The following PLXNC1 variants were observed in gnomAD, a reference collection of about 807,000 sequenced individuals.
PLXNC1 encodes plexin-C1.
PLXNC1 carries 75 observed loss-of-function variants against 178.2 expected under a neutral mutation model. That is an observed-to-expected ratio of 0.42 (90% CI 0.35 to 0.51). The LOEUF is 0.51. Ranked by LOEUF, PLXNC1 falls within the 20% of genes least tolerant of loss-of-function variation. PLXNC1 has a pLI of 0.02. For missense variants in PLXNC1, 1,503 were observed against 1,984.4 expected, an observed-to-expected ratio of 0.76 and a Z score of 4.61; for synonymous variants, 790 against 779.9, an observed-to-expected ratio of 1.01 and a Z score of -0.22.
At chr12:94,300,805 A>T in intron 27 of PLXNC1, 105 bp from the exon 28 acceptor site, 2 of 1,009,866 alleles carry the variant, frequency 2.0e-6, no homozygotes, top group Non-Finnish European at 2.9e-6. Flanking sequence ...AGAGTTGTAT[A>T]CTTCAATAAC....
At chr12:94,270,408 G>A (rs1965499858) in intron 21 of PLXNC1, among the ~76,000 whole-genome samples, 1 of 152,196 alleles carries the variant, frequency 6.6e-6, no homozygotes, top group Non-Finnish European at 1.5e-5. Flanking sequence ...TTTGCAGAAA[G>A]TTTGTTGGCC....
At chr12:94,180,822 G>A (rs1228645797) in intron 2 of PLXNC1, among the ~76,000 whole-genome samples, 1 of 152,178 alleles carries the variant, frequency 6.6e-6, no homozygotes, top group African/African-American at 2.4e-5. Context: ...GCTGTCACTT[G>A]TGGCTTCCTA....
chr12:94,206,269 T>A (rs979992556), intron 4 of PLXNC1, among the ~76,000 whole-genome samples: 4 of 151,784 alleles, frequency 2.6e-5, no homozygotes, highest in South Asian at 4.1e-4. Flanking sequence ...TTTTTTTTTT[T>A]AAATCTGTTG....
intron 9 of PLXNC1, among the ~76,000 whole-genome samples, chr12:94,229,015 C>G (rs1382129498): frequency 6.6e-6 from 1 of 152,126 alleles, no homozygotes; most frequent in Non-Finnish European, 1.5e-5. Context: ...TTTTGCATTC[C>G]CACCAACAGT....
intron 21 of PLXNC1, among the ~76,000 whole-genome samples, chr12:94,276,302 G>C (rs1013350955): frequency 6.6e-6 from 1 of 152,200 alleles, no homozygotes; most frequent in African/African-American, 2.4e-5. Flanking sequence ...TCACCTTGCA[G>C]AGAAATAAGG....
chr12:94,279,877 GT>G, intron 22 of PLXNC1: 1 of 678,880 alleles, frequency 1.5e-6, no homozygotes, highest in South Asian at 1.5e-5. Flanking sequence ...GGCGTTTGTT[GT>G]TGTTGTCTTT....
At chr12:94,256,613 C>A (rs1011306083) in intron 17 of PLXNC1, among the ~76,000 whole-genome samples, 2 of 152,044 alleles carry the variant, frequency 1.3e-5, no homozygotes, top group African/African-American at 4.8e-5. Flanking sequence ...CATCACGAGT[C>A]CTATTTCTGA....
intron 1 of PLXNC1, among the ~76,000 whole-genome samples, chr12:94,159,111 C>T (rs578260117): frequency 7.2e-4 from 109 of 152,248 alleles, no homozygotes; most frequent in Middle Eastern, 3.4e-3. Flanking sequence ...CTATTATGTG[C>T]CAAGCAATGT....
chr12:94,230,631 G>A (rs906810238), intron 9 of PLXNC1, among the ~76,000 whole-genome samples: 3 of 152,190 alleles, frequency 2.0e-5, no homozygotes, highest in African/African-American at 4.8e-5. Flanking sequence ...GGGATTTCTC[G>A]TGCTCTGTCA....
intron 9 of PLXNC1, among the ~76,000 whole-genome samples, chr12:94,230,267 A>G (rs1964061929): frequency 6.6e-6 from 1 of 152,202 alleles, no homozygotes; most frequent in Non-Finnish European, 1.5e-5. Context: ...AAGTTCTTTT[A>G]TGTATCAATA....
At chr12:94,244,690 G>A (rs1964480441) in intron 12 of PLXNC1, among the ~76,000 whole-genome samples, 1 of 152,176 alleles carries the variant, frequency 6.6e-6, no homozygotes, top group Admixed American at 6.5e-5. Flanking sequence ...CCACACATAA[G>A]ATACACCAAC....
intron 22 of PLXNC1, among the ~76,000 whole-genome samples, chr12:94,280,621 TGAG>T (rs1381356792): frequency 1.3e-5 from 2 of 152,198 alleles, no homozygotes; most frequent in Non-Finnish European, 2.9e-5. Flanking sequence ...TTGAGTCACT[TGAG>T]GACCATTTTA....
At chr12:94,191,206 A>G (rs1592749524) in intron 4 of PLXNC1, among the ~76,000 whole-genome samples, 1 of 152,208 alleles carries the variant, frequency 6.6e-6, no homozygotes, top group Admixed American at 6.5e-5. Flanking sequence ...ACTTGGTTTC[A>G]GACAGCCTGG....
chr12:94,262,754 T>C (rs1418624704), intron 20 of PLXNC1: 1 of 985,382 alleles, frequency 1.0e-6, no homozygotes, highest in Non-Finnish European at 1.2e-6. Context: ...AGTAGCTCCG[T>C]GACCGCCAGG....
At chr12:94,243,050 A>T (rs1181757816) in intron 11 of PLXNC1, among the ~76,000 whole-genome samples, 1 of 152,258 alleles carries the variant, frequency 6.6e-6, no homozygotes, top group Non-Finnish European at 1.5e-5. Context: ...AATGCTGGCC[A>T]TCGGGAGATC....
intron 4 of PLXNC1, among the ~76,000 whole-genome samples, chr12:94,202,243 G>A (rs532108551): frequency 1.3e-5 from 2 of 152,300 alleles, no homozygotes; most frequent in South Asian, 4.1e-4. Context: ...TTTTGTCTAT[G>A]TGCTTCTCTG....
intron 28 of PLXNC1, 128 bp downstream of exon 28, chr12:94,301,185 A>G: frequency 1.7e-6 from 1 of 605,932 alleles, no homozygotes. Flanking sequence ...AGCAAGGGCC[A>G]CTGTCAATTT....
chr12:94,273,507 T>C (rs923915100), intron 21 of PLXNC1, among the ~76,000 whole-genome samples: 5 of 152,152 alleles, frequency 3.3e-5, no homozygotes, highest in Non-Finnish European at 5.9e-5. Flanking sequence ...TGCTGCCTCC[T>C]CCATGCAGCC....
intron 23 of PLXNC1, among the ~76,000 whole-genome samples, chr12:94,283,659 A>T (rs752175213): frequency 1.3e-5 from 2 of 152,164 alleles, no homozygotes; most frequent in African/African-American, 2.4e-5. Context: ...AGGAGTGCTG[A>T]TTGGTCAGGT....
Sources: allele counts gnomAD v4.1 joint callset (sites outside exome capture counted in the v4.1 genomes callset), GRCh38; gene constraint gnomAD v4.1.1; transcripts MANE v1.5; gene names NCBI Gene and HGNC (gene_info 2026-07-23, HGNC 2026-07-21).